Variants in SYTL5 observed in about 807,000 individuals in gnomAD.
SYTL5 encodes synaptotagmin-like protein 5.
Under a neutral mutation model 55.9 loss-of-function variants are expected in SYTL5, and 34 were observed. That is an observed-to-expected ratio of 0.61 (90% CI 0.46 to 0.81). The LOEUF is 0.81. SYTL5 is among the 30% of genes least tolerant of loss of function. The pLI is 0.00. For synonymous variants in SYTL5, 221 were observed against 188.7 expected, an observed-to-expected ratio of 1.17 and a Z score of -1.40; for missense variants, 637 against 546.7, an observed-to-expected ratio of 1.17 and a Z score of -1.65.
chrX:38,013,062 G>T (rs1395579142), intron 1 of SYTL5, among the ~76,000 whole-genome samples: 2 of 112,240 alleles, frequency 1.8e-5, no homozygotes, highest in Non-Finnish European at 3.8e-5. Flanking sequence ...AAAAAATATA[G>T]ATTGGGATGT....
rs975691199 is a variant in SYTL5 at position 38,127,306 on chromosome X, C to T, written c.*576C>T. On this transcript the variant is annotated 3_prime_UTR_variant, in exon 17 of 17. Coordinates refer to ENST00000297875, the MANE Select transcript of SYTL5 (RefSeq NM_138780.3). ...CTATGATTACTATAGAATTTATCAT[C>T]TAAATCAGTTTACTTTTTAGAACAA... 8.9e-6 allele frequency: 1 copy of T among 112,016 alleles called. No individual in the cohort carries two copies. Among genetic ancestry groups the T allele is most frequent in the Admixed American group, 9.5e-5 (1 of 10,574 alleles). 9.2% of individuals were successfully genotyped at this position (112,016 alleles called of 1,213,427 possible).
At chrX:38,031,788 C>T (rs1934959788) in intron 1 of SYTL5, among the ~76,000 whole-genome samples, 1 of 112,084 alleles carries the variant, frequency 8.9e-6, no homozygotes, top group Admixed American at 9.5e-5. Flanking sequence ...ATTAACCTTT[C>T]TGAAAAGCCC....
intron 2 of SYTL5, among the ~76,000 whole-genome samples, chrX:38,040,689 T>C (rs1302726309): frequency 3.6e-5 from 4 of 112,085 alleles, no homozygotes; most frequent in East Asian, 5.6e-4. Flanking sequence ...TAGTACACCA[T>C]TGTGTATATG....
At chrX:38,067,272 T>C (rs73465497) in intron 3 of SYTL5, among the ~76,000 whole-genome samples, 244 of 110,897 alleles carry the variant, frequency 2.2e-3, no homozygotes, top group African/African-American at 7.8e-3. Flanking sequence ...AAAAGTGATA[T>C]GGAGGCCCAT....
At chrX:37,912,743 C>G in the SYTL5 span, among the ~76,000 whole-genome samples, 1 of 111,895 alleles carries the variant, frequency 8.9e-6, no homozygotes, top group African/African-American at 3.3e-5. Context: ...GTGAGGTAGT[C>G]ATGTTAATTT....
intron 3 of SYTL5, among the ~76,000 whole-genome samples, chrX:38,069,901 C>A (rs772332378): frequency 1.8e-3 from 200 of 111,813 alleles, no homozygotes; most frequent in African/African-American, 6.3e-3. Context: ...AATAACTTAA[C>A]CCATTCAAGC....
chrX:37,933,731 T>G, the SYTL5 span, among the ~76,000 whole-genome samples: 1 of 112,003 alleles, frequency 8.9e-6, no homozygotes, highest in Non-Finnish European at 1.9e-5. Flanking sequence ...TCAAAAATTG[T>G]AACATGTTTC....
At chrX:37,976,858 C>G in the SYTL5 span, among the ~76,000 whole-genome samples, 12 of 107,849 alleles carry the variant, frequency 1.1e-4, no homozygotes, top group African/African-American at 4.1e-4. Flanking sequence ...CCCAGCTACT[C>G]GGGAGGCTAA....
intron 9 of SYTL5, among the ~76,000 whole-genome samples, chrX:38,099,821 T>G (rs773084286): frequency 9.0e-6 from 1 of 111,582 alleles, no homozygotes; most frequent in Non-Finnish European, 1.9e-5. Context: ...CTGCATCTAT[T>G]GAGATGATCA....
At chrX:38,115,649 C>T (rs922927371) in intron 13 of SYTL5, among the ~76,000 whole-genome samples, 5 of 110,954 alleles carry the variant, frequency 4.5e-5, no homozygotes, top group African/African-American at 6.6e-5. Context: ...TAGCTCATTG[C>T]AATTTTAATT....
chrX:37,927,021 C>A, the SYTL5 span, among the ~76,000 whole-genome samples: 1 of 111,672 alleles, frequency 9.0e-6, no homozygotes, highest in Non-Finnish European at 1.9e-5. Context: ...TTGCAGTAAG[C>A]CTGTATTGAA....
At chrX:38,114,196 T>C (rs1270455726) in intron 13 of SYTL5, among the ~76,000 whole-genome samples, 3 of 111,689 alleles carry the variant, frequency 2.7e-5, no homozygotes, top group African/African-American at 9.8e-5. Context: ...TGACTTCCTG[T>C]CAGTCCCTAA....
At chrX:38,055,790 A>G (rs1935763434) in intron 3 of SYTL5, among the ~76,000 whole-genome samples, 1 of 111,889 alleles carries the variant, frequency 8.9e-6, no homozygotes, top group Non-Finnish European at 1.9e-5. Context: ...GAGCAATTCA[A>G]ACTATGTTTT....
At position 38,054,331 on chromosome X, in the gene SYTL5, C is replaced by A. The variant is rs1209444242; in HGVS notation, c.238C>A (p.Pro80Thr). Residue 80 changes from proline to threonine, a missense_variant, in exon 3 of 17, where the codon CCT becomes ACT. Coordinates refer to ENST00000297875, the MANE Select transcript of SYTL5 (RefSeq NM_138780.3). ...NLGLIFDRGD[P>T]CQACSLRVCR... is the part of the protein sequence containing the mutation. ...GGGCCTAATCTTTGACCGGGGAGAC[C>A]CTTGTCAGGCTTGCTCACTGAGGGT... is the stretch of plus-strand genomic sequence containing the variant. 1 of 1,209,105 alleles carries A rather than the reference C, an allele frequency of 8.3e-7. No individual in the cohort carries two copies. Among genetic ancestry groups the A allele is most frequent in the East Asian group, 3.0e-5 (1 of 33,764 alleles).
rs1463684424 is a variant in SYTL5, at chrX:38,036,198, C to T, written c.119+2190C>T. Among the ~76,000 whole-genome samples the T allele has an allele frequency of 4.5e-5, 5 of 110,290 alleles. No individual in the cohort carries two copies. In the Admixed American group the frequency reaches 4.8e-4, roughly 11 times the overall value. On this transcript the variant is annotated intron_variant, in intron 2 of 16. Transcript: ENST00000297875. The stretch of plus-strand genomic sequence containing the variant: ...GTGTGCGCCTGTAATCCCAGCTACT[C>T]GGGAGGCTGAGGCAGGAGAATCGCT...
chrX:37,969,979 T>A, the SYTL5 span, among the ~76,000 whole-genome samples: 1 of 112,149 alleles, frequency 8.9e-6, no homozygotes, highest in Non-Finnish European at 1.9e-5. Flanking sequence ...GATATCAATC[T>A]GAAGAATGTT....
intron 2 of SYTL5, among the ~76,000 whole-genome samples, chrX:38,041,133 C>T (rs1338923136): frequency 9.0e-6 from 1 of 111,284 alleles, no homozygotes; most frequent in Non-Finnish European, 1.9e-5. Context: ...CATTTCAGTG[C>T]TAGGAGAAGA....
the SYTL5 span, among the ~76,000 whole-genome samples, chrX:37,995,578 G>A: frequency 8.9e-6 from 1 of 112,115 alleles, no homozygotes; most frequent in Non-Finnish European, 1.9e-5. Context: ...CATTTGAGCA[G>A]CAAGCAGGCC....
chrX:38,037,331 A>C (rs1935135507), intron 2 of SYTL5, among the ~76,000 whole-genome samples: 1 of 111,623 alleles, frequency 9.0e-6, no homozygotes, highest in African/African-American at 3.3e-5. Context: ...ACTCCCTTAT[A>C]GATTTCTCTT....
Sources: allele counts gnomAD v4.1 joint callset (sites outside exome capture counted in the v4.1 genomes callset), GRCh38; gene constraint gnomAD v4.1.1; transcripts MANE v1.5; gene names NCBI Gene and HGNC (gene_info 2026-07-23, HGNC 2026-07-21).